The following CYP46A1 variants were observed in gnomAD, a reference collection of about 807,000 sequenced individuals.
The protein encoded by CYP46A1 is cytochrome P450 family 46 subfamily A member 1.
In CYP46A1, 20 loss-of-function variants were observed where a neutral mutation model predicts 63.3. That is an observed-to-expected ratio of 0.32 (90% CI 0.22 to 0.46). CYP46A1 has a LOEUF of 0.46. CYP46A1 is among the 20% of genes least tolerant of loss of function. CYP46A1 has a pLI of 1.00. For synonymous variants in CYP46A1, 268 were observed against 273.6 expected, an observed-to-expected ratio of 0.98 and a Z score of 0.20; for missense variants, 445 against 670.8, an observed-to-expected ratio of 0.66 and a Z score of 3.72.
rs766907664 is a variant in CYP46A1, at chr14:99,718,050, A to G, written c.908-4A>G. On this transcript the variant is annotated splice_polypyrimidine_tract_variant and splice_region_variant and intron_variant, in intron 9 of 14. Transcript: ENST00000261835. ...GGAGCAACCACCGTCCTCCCTTCCC[A>G]CAGGTCACGAGACCTCTGCCAACCA... 1.2e-6 allele frequency: 2 copies of G among 1,613,418 alleles called. No homozygotes were observed. The highest frequency in any genetic ancestry group is 2.2e-5 in the East Asian group (1 of 44,864).
intron 10 of CYP46A1, 21 bp downstream of exon 10, chr14:99,718,147 GC>G: frequency 1.2e-6 from 2 of 1,610,620 alleles, no homozygotes; most frequent in Non-Finnish European, 1.7e-6. Flanking sequence ...TGCTCTTGGG[GC>G]TGGCAAAGAG....
chr14:99,695,602 G>A (rs1566827172), intron 3 of CYP46A1: 1 of 92,258 alleles, frequency 1.1e-5, no homozygotes. Context: ...AGCCATTCCA[G>A]CTTTATTATT....
chr14:99,700,855 A>G (rs1436613918), intron 5 of CYP46A1, among the ~76,000 whole-genome samples: 3 of 152,214 alleles, frequency 2.0e-5, no homozygotes, highest in Non-Finnish European at 4.4e-5. Flanking sequence ...AGGCATTATT[A>G]TCATAGGAGA....
intron 3 of CYP46A1, chr14:99,695,414 A>G: frequency 2.3e-6 from 1 of 428,902 alleles, no homozygotes; most frequent in Non-Finnish European, 4.7e-6. Flanking sequence ...TCATAGATTT[A>G]TCTATTTCTA....
At chr14:99,704,314 C>A (rs2056656833) in intron 5 of CYP46A1, among the ~76,000 whole-genome samples, 2 of 152,026 alleles carry the variant, frequency 1.3e-5, no homozygotes, top group South Asian at 4.2e-4. Flanking sequence ...ATAGTAAATG[C>A]CAAATTTACA....
chr14:99,726,034 G>C (rs111320321), intron 13 of CYP46A1, among the ~76,000 whole-genome samples, 156 bp from the exon 14 acceptor site: 9 of 152,226 alleles, frequency 5.9e-5, no homozygotes, highest in African/African-American at 2.2e-4. Flanking sequence ...TCCAGCCCTC[G>C]GCAGAGTCAG....
chr14:99,691,715 GC>G, intron 2 of CYP46A1, 64 bp from the exon 3 acceptor site: 1 of 1,458,562 alleles, frequency 6.9e-7, no homozygotes, highest in South Asian at 1.1e-5. Flanking sequence ...TCTCAGCTGG[GC>G]GGGGTTGGTG....
At chr14:99,699,329 G>T in intron 3 of CYP46A1, 137 bp from the exon 4 acceptor site, 1 of 803,508 alleles carries the variant, frequency 1.2e-6, no homozygotes, top group Non-Finnish European at 2.2e-6. Flanking sequence ...GGACGATTGT[G>T]TGGGATCATG....
chr14:99,722,075 A>G lies in CYP46A1; in HGVS notation c.1176+9A>G. The G allele has an allele frequency of 6.2e-7, 1 of 1,603,150 alleles. No individual in the cohort carries two copies. The highest frequency in any genetic ancestry group is 1.3e-5 in the African/African-American group (1 of 74,786). On this transcript the variant is annotated intron_variant, in intron 12 of 14. Coordinates refer to ENST00000261835, the MANE Select transcript of CYP46A1 (RefSeq NM_006668.2). This position sits in a 1 kb window ranked among gnomAD's most constrained non-coding sequence, Gnocchi z 4.6. ...GCAACACCCCGCTCTTGGTGGGTGG[A>G]GGCCCTGGGGGTCCTGGGGTGGGCT...
intron 3 of CYP46A1, among the ~76,000 whole-genome samples, chr14:99,692,903 A>G (rs1412313697): frequency 6.6e-6 from 1 of 152,042 alleles, no homozygotes; most frequent in Admixed American, 6.5e-5. Flanking sequence ...TCTGCCATGA[A>G]GGTTCCAAGA....
intron 7 of CYP46A1, among the ~76,000 whole-genome samples, 162 bp from the exon 8 acceptor site, chr14:99,715,648 T>C (rs2056781468): frequency 6.6e-6 from 1 of 152,218 alleles, no homozygotes. Context: ...GTCTGCCATC[T>C]TGATCCAGTC....
intron 1 of CYP46A1, among the ~76,000 whole-genome samples, chr14:99,689,206 C>T (rs2056522133): frequency 6.6e-6 from 1 of 152,172 alleles, no homozygotes; most frequent in Non-Finnish European, 1.5e-5. Context: ...CAAACCTTAC[C>T]GGTCCCAAGC....
Position 99,685,217 on chromosome 14 carries a change from C to T in CYP46A1, c.119+681C>T, listed in dbSNP as rs1315543619. Among the ~76,000 whole-genome samples, 5 of 151,706 alleles carry T rather than the reference C, an allele frequency of 3.3e-5. No homozygotes were observed. The East Asian group carries it at 7.8e-4, about 24-fold the overall frequency. ...TAAGTCGGCTGCATGGCCCGCGAGG[C>T]CCCTGCCGAGCACTCAGAACCCACT... On this transcript the variant is annotated intron_variant, in intron 1 of 14. Transcript: ENST00000261835.
intron 10 of CYP46A1, among the ~76,000 whole-genome samples, chr14:99,718,879 A>G (rs932713237): frequency 6.6e-6 from 1 of 152,136 alleles, no homozygotes; most frequent in Non-Finnish European, 1.5e-5. Flanking sequence ...AATTTTGGGA[A>G]AAGCAGAAAA....
intron 12 of CYP46A1, among the ~76,000 whole-genome samples, chr14:99,723,652 G>A (rs1385873394): frequency 6.6e-6 from 1 of 152,168 alleles, no homozygotes; most frequent in Non-Finnish European, 1.5e-5. Context: ...CTTTTGTCTG[G>A]TATGTTTGTC....
At chr14:99,709,616 A>G (rs1595196530) in intron 7 of CYP46A1, 1 of 152,222 alleles carries the variant, frequency 6.6e-6, no homozygotes, top group East Asian at 1.9e-4. Flanking sequence ...TATGAAACCT[A>G]TTTAATCAAA....
At chr14:99,706,840 T>G in intron 6 of CYP46A1, 55 bp downstream of exon 6, 1 of 1,580,432 alleles carries the variant, frequency 6.3e-7, no homozygotes, top group Non-Finnish European at 8.6e-7. Flanking sequence ...GGTAGAGGGG[T>G]CTCTTCTCTC....
At chr14:99,691,187 C>T (rs752363440) in intron 2 of CYP46A1, 26 bp downstream of exon 2, 9 of 1,612,304 alleles carry the variant, frequency 5.6e-6, no homozygotes, top group Non-Finnish European at 6.8e-6. Context: ...TCACTTGTTG[C>T]CCTTACTCCA....
chr14:99,697,289 C>G lies in CYP46A1; in HGVS notation c.283-2177C>G, dbSNP rs150285369. 1.5e-4 allele frequency among the ~76,000 whole-genome samples: 23 copies of G among 151,396 alleles called. No homozygotes were observed. The East Asian group carries it at 4.2e-3, about 28-fold the overall frequency. On this transcript the variant is annotated intron_variant, in intron 3 of 14. Coordinates refer to ENST00000261835, the MANE Select transcript of CYP46A1 (RefSeq NM_006668.2). ...CTGCTCTTTCTATGCACAGCTTCTC[C>G]CTGGTACTTTGTTCTGCTCTTTCTA...
Sources: allele counts gnomAD v4.1 joint callset (sites outside exome capture counted in the v4.1 genomes callset), GRCh38; gene constraint gnomAD v4.1.1; non-coding constraint Gnocchi (gnomAD v3.1); transcripts MANE v1.5; gene names NCBI Gene and HGNC (gene_info 2026-07-23, HGNC 2026-07-21).